DOCK8: variants seen among roughly 807,000 people sequenced by gnomAD.
DOCK8 encodes dedicator of cytokinesis protein 8.
Under a neutral mutation model 245.6 loss-of-function variants are expected in DOCK8, and 141 were observed. The ratio of observed to expected loss-of-function variants is 0.57; its 90% CI spans 0.50 to 0.66. The LOEUF is 0.66. DOCK8 is among the 30% of genes least tolerant of loss of function. The pLI is 0.00. For missense variants in DOCK8, 2,965 were observed against 2,603.4 expected (o/e 1.14, Z -3.02); for synonymous variants, 1,168 against 970.2 (o/e 1.20, Z -3.79).
At chr9:388,201 A>T (rs10758459) in intron 23 of DOCK8, among the ~76,000 whole-genome samples, 53,283 of 151,864 alleles carry the variant, frequency 0.35, 10,959 homozygotes, top group African/African-American at 0.58. Flanking sequence ...TCCAGTTATA[A>T]TATGTGCACA....
chr9:339,000 T>C lies in DOCK8; in HGVS notation c.1423-6T>C. The C allele has an allele frequency of 6.2e-7, 1 of 1,613,980 alleles. No individual in the cohort carries two copies. The highest frequency in any genetic ancestry group is 1.1e-5 in the South Asian group (1 of 91,084). On this transcript the variant is annotated splice_polypyrimidine_tract_variant and splice_region_variant and intron_variant, in intron 12 of 47. Transcript: ENST00000432829. ...TCTACATTAACTCTGACTTTTCTCT[T>C]GGCAGGAAGGAGATCGCCTTAGCGA... is the stretch of plus-strand genomic sequence containing the variant.
intron 1 of DOCK8, among the ~76,000 whole-genome samples, chr9:236,374 A>C (rs2047249505): frequency 6.6e-6 from 1 of 152,224 alleles, no homozygotes; most frequent in African/African-American, 2.4e-5. Flanking sequence ...TTTGTCTACA[A>C]GGGAGATTGG....
chr9:230,872 G>A (rs2047100030), intron 1 of DOCK8, among the ~76,000 whole-genome samples: 1 of 152,132 alleles, frequency 6.6e-6, no homozygotes, highest in Admixed American at 6.5e-5. Flanking sequence ...TCTGATGGTA[G>A]TTTCTTTTGC....
chr9:304,994 C>T (rs964647604), intron 5 of DOCK8, among the ~76,000 whole-genome samples: 1 of 152,198 alleles, frequency 6.6e-6, no homozygotes, highest in African/African-American at 2.4e-5. Flanking sequence ...TGCAGAGACT[C>T]TTGGTGCCCC....
chr9:400,894 C>CA, intron 26 of DOCK8, among the ~76,000 whole-genome samples: 2 of 117,566 alleles, frequency 1.7e-5, no homozygotes, highest in Middle Eastern at 4.2e-3. Flanking sequence ...CCACCACCAC[C>CA]TCCCCCACTA....
In DOCK8 at chr9:312,026, C is replaced by T. The variant is rs2050139440; in HGVS notation, c.601C>T (p.Leu201Phe). 9.3e-6 allele frequency: 15 copies of T among 1,614,220 alleles called. No homozygotes were observed. The highest frequency in any genetic ancestry group is 1.3e-5 in the Non-Finnish European group (15 of 1,180,038). The change falls in exon 6 of 48, where the codon CTC (leucine) becomes TTC (phenylalanine). Residue 201 changes from leucine to phenylalanine, a missense_variant. Physicochemically the swap from Leu to Phe is conservative, Grantham distance 22. Around this residue, in one of 3 missense-constraint regions of DOCK8, gnomAD observed 2,825 missense variants for 2,453.5 expected, o/e 1.15. Transcript: ENST00000432829. ...CCCCGTCACTGCCTGTGACTTTGAC[C>T]TCCGCAGCCTGCAGCCTGACAAGCG... The part of the protein sequence containing the change: ...KGPVTACDFD[L>F]RSLQPDKRLE...
chr9:255,673 A>G (rs60772235), intron 1 of DOCK8, among the ~76,000 whole-genome samples: 42,796 of 122,656 alleles, frequency 0.35, 7,328 homozygotes, highest in East Asian at 0.75. Context: ...ATCTCCAAAA[A>G]AAAAAAAAAA....
intron 8 of DOCK8, among the ~76,000 whole-genome samples, chr9:326,599 C>T (rs150415078): frequency 1.2e-4 from 18 of 152,252 alleles, no homozygotes; most frequent in African/African-American, 2.4e-4. Context: ...TTTTGAAAAC[C>T]GCTGGCCTAT....
At chr9:325,557 A>C in intron 7 of DOCK8, 114 bp from the exon 8 acceptor site, 1 of 885,044 alleles carries the variant, frequency 1.1e-6, no homozygotes, top group Non-Finnish European at 1.9e-6. Context: ...GAGTTTTCCA[A>C]ATATTTCGGG....
intron 35 of DOCK8, among the ~76,000 whole-genome samples, chr9:429,172 G>A (rs913700176): frequency 5.3e-5 from 8 of 152,134 alleles, no homozygotes; most frequent in Non-Finnish European, 1.0e-4. Context: ...TCACCATGTT[G>A]GCCAGGCTGG....
At chr9:372,341 C>A in intron 18 of DOCK8, 55 bp downstream of exon 18, 3 of 1,365,156 alleles carry the variant, frequency 2.2e-6, no homozygotes, top group Non-Finnish European at 2.1e-6. Context: ...TCTTGGACCA[C>A]CTTCCCAGAC....
intron 4 of DOCK8, among the ~76,000 whole-genome samples, chr9:291,462 T>C (rs1224433657): frequency 6.6e-6 from 1 of 152,192 alleles, no homozygotes; most frequent in Non-Finnish European, 1.5e-5. Flanking sequence ...CTAAATAAGA[T>C]TATAATATCA....
intron 1 of DOCK8, among the ~76,000 whole-genome samples, chr9:248,893 A>T (rs1477252805): frequency 2.0e-5 from 3 of 152,170 alleles, no homozygotes; most frequent in Non-Finnish European, 2.9e-5. Context: ...AATCTTAAGG[A>T]TGGACATTTG....
intron 10 of DOCK8, among the ~76,000 whole-genome samples, chr9:333,969 T>G (rs1300042765): frequency 1.3e-5 from 2 of 152,238 alleles, no homozygotes; most frequent in African/African-American, 4.8e-5. Context: ...TTTCGTTAGC[T>G]AAAAATGTAT....
At position 414,852 on chromosome 9, in the gene DOCK8, C is replaced by T. The variant is rs146865157; in HGVS notation, c.3601C>T (p.Arg1201Cys). The part of the protein sequence containing the change: ...SLLSSHDLDP[R>C]CVKPEVKVKI... ...GCTAAGTTCTCACGACCTGGACCCA[C>T]GCTGTGTCAAACCAGAGGTGAAGGT... is the stretch of plus-strand genomic sequence containing the variant. The change falls in exon 29 of 48, where the codon CGC (arginine) becomes TGC (cysteine). Residue 1201 changes from arginine (R) to cysteine (C), a missense_variant. This residue lies in a region of DOCK8 where 2,825 missense variants were observed against 2,453.5 expected (regional missense o/e 1.15). Transcript: ENST00000432829. 3.5e-5 allele frequency: 56 copies of T among 1,614,238 alleles called. No homozygotes were observed. Among genetic ancestry groups the T allele is most frequent in the African/African-American group, 1.5e-4 (11 of 75,066 alleles).
chr9:454,579 G>C (rs1346706064), intron 46 of DOCK8: 1 of 152,180 alleles, frequency 6.6e-6, no homozygotes, highest in African/African-American at 2.4e-5. Context: ...TCTAAGTCCA[G>C]CTGGAGCAGC....
rs1453158322 is a variant in DOCK8 at position 365,821 on chromosome 9, T to C, written c.1680-2197T>C. 2.7e-5 allele frequency: 10 copies of C among 369,104 alleles called. No individual in the cohort carries two copies. In the East Asian group the frequency reaches 7.2e-4, roughly 27 times the overall value. 22.9% of individuals were successfully genotyped at this position (369,104 alleles called of 1,614,324 possible). A position where few individuals can be genotyped will look rare whatever the true frequency, so the allele number is the denominator to read the frequency against. ...TGGTGGCAGTGGAGATGAACAGAAG[T>C]GAACAGTGAGCAGAGAGGGGTCTGT... On this transcript the variant is annotated intron_variant, in intron 14 of 47. Coordinates refer to ENST00000432829, the MANE Select transcript of DOCK8 (RefSeq NM_203447.4).
chr9:406,789 G>T, intron 27 of DOCK8, 141 bp from the exon 28 acceptor site: 2 of 997,534 alleles, frequency 2.0e-6, no homozygotes, highest in Non-Finnish European at 3.0e-6. Flanking sequence ...TTCCTTGTCC[G>T]CCTTATCTGG....
chr9:215,630 T>G (rs758290460), intron 1 of DOCK8: 6 of 485,742 alleles, frequency 1.2e-5, no homozygotes, highest in Non-Finnish European at 2.1e-5. Flanking sequence ...AATCTACACT[T>G]AAATAAACCA....
Sources: gnomAD v4.1 joint callset for allele counts (sites outside exome capture counted in the v4.1 genomes callset) on GRCh38, gnomAD v4.1.1 for gene constraint, gnomAD v4.1.1 regional missense constraint, MANE v1.5 for transcripts, NCBI Gene and HGNC (gene_info 2026-07-23, HGNC 2026-07-21) for gene names.